Variants in PSMC3IP observed in about 807,000 individuals in gnomAD.
PSMC3IP encodes homologous-pairing protein 2 homolog.
In PSMC3IP, 26 loss-of-function variants were observed where a neutral mutation model predicts 34.9. The observed-to-expected ratio is 0.74, with a 90% CI of 0.55 to 1.03. The LOEUF is 1.03. Among genes scored for constraint, PSMC3IP ranks in the 50% least tolerant of loss-of-function variants. PSMC3IP has a pLI of 0.00. For synonymous variants in PSMC3IP, 87 were observed against 96.5 expected (o/e 0.90, Z 0.57); for missense variants, 250 against 263.1 (o/e 0.95, Z 0.34).
At chr17:42,577,831 C>G (rs1567916525), upstream of PSMC3IP, 8 of 1,009,896 alleles carry the variant, frequency 7.9e-6, no homozygotes, top group South Asian at 9.4e-5. Flanking sequence ...TCCCGGACTC[C>G]ATAGTTCATT....
At chr17:42,575,226 C>T (rs2093068074) in intron 3 of PSMC3IP, among the ~76,000 whole-genome samples, 2 of 152,204 alleles carry the variant, frequency 1.3e-5, no homozygotes, top group Admixed American at 1.3e-4. Context: ...CTGGACTCTA[C>T]ACTTGGGCAA....
intron 3 of PSMC3IP, among the ~76,000 whole-genome samples, chr17:42,574,732 CCTCTCTCTTT>C (rs995460599): frequency 3.6e-4 from 8 of 22,278 alleles, no homozygotes; most frequent in African/African-American, 4.4e-4. Context: ...CCTCCCTTTC[CCTCTCTCTTT>C]CTCTCTCTTT....
intron 3 of PSMC3IP, 157 bp downstream of exon 3, chr17:42,577,056 G>C: frequency 6.7e-7 from 1 of 1,502,484 alleles, no homozygotes; most frequent in Non-Finnish European, 8.9e-7. Context: ...GTGAAGTTGG[G>C]ATCCTAACAA....
At chr17:42,577,186 G>T in intron 3 of PSMC3IP, 27 bp downstream of exon 3, 1 of 1,613,924 alleles carries the variant, frequency 6.2e-7, no homozygotes, top group East Asian at 2.2e-5. Context: ...GCTCTCATGG[G>T]TGACAATCGG....
chr17:42,577,309 G>A lies in PSMC3IP; in HGVS notation c.136-7C>T, dbSNP rs780182559. Reference sequence around the variant, plus strand: ...CCAGCGTCTTCACCACCACCTGGCAGAGGAGAGAGAAGGAGCAATCAGAGG... The same window carrying A: ...CCAGCGTCTTCACCACCACCTGGCAAAGGAGAGAGAAGGAGCAATCAGAGG... On this transcript the variant is annotated splice_polypyrimidine_tract_variant and splice_region_variant and intron_variant, in intron 2 of 7. Coordinates refer to ENST00000393795, the MANE Select transcript of PSMC3IP (RefSeq NM_016556.4). 1.9e-6 allele frequency: 3 copies of A among 1,613,892 alleles called. No homozygotes were observed. Among genetic ancestry groups the A allele is most frequent in the South Asian group, 2.2e-5 (2 of 91,078 alleles).
rs1324673242 is a variant in PSMC3IP at position 42,573,487 on chromosome 17, C to G, written c.474G>C (p.Glu158Asp). 5.6e-6 allele frequency: 9 copies of G among 1,614,144 alleles called. No individual in the cohort carries two copies. Among genetic ancestry groups the G allele is most frequent in the Non-Finnish European group, 7.6e-6 (9 of 1,180,064 alleles). Residue 158 changes from glutamate (E) to aspartate (D), a missense_variant, in exon 5 of 8, where the codon GAG becomes GAC. Physicochemically the swap from Glu to Asp is conservative, Grantham distance 45 (BLOSUM62 2). Coordinates refer to ENST00000393795, the MANE Select transcript of PSMC3IP (RefSeq NM_016556.4). ...CAGCCTTCCAGCTCACCTGCTCTTT[C>G]TCTTCTGGAGTCACATGATTGGTAG... ...KAATNHVTPE[E>D]KEQVYRERQK...
upstream of PSMC3IP, chr17:42,577,774 C>T: frequency 6.6e-7 from 1 of 1,504,370 alleles, no homozygotes; most frequent in Non-Finnish European, 9.2e-7. Flanking sequence ...GGGCCTCGAA[C>T]GGTGATTGGC....
intron 6 of PSMC3IP, 25 bp downstream of exon 6, chr17:42,573,286 T>G (rs1262639873): frequency 6.2e-7 from 1 of 1,614,096 alleles, no homozygotes; most frequent in Non-Finnish European, 8.5e-7. Context: ...CTCCAGGGCC[T>G]GTCTCGGAGC....
chr17:42,572,372 G>T lies in PSMC3IP; in HGVS notation c.*596C>A. 1 of 454,518 alleles carries T rather than the reference G, an allele frequency of 2.2e-6. No individual in the cohort carries two copies. The highest frequency in any genetic ancestry group is 4.4e-6 in the Non-Finnish European group (1 of 226,742). 28.2% of individuals were successfully genotyped at this position (454,518 alleles called of 1,614,324 possible). A position where few individuals can be genotyped will look rare whatever the true frequency, so the allele number is the denominator to read the frequency against. ...GCAGTTTTGCTACGGTTACAATTTT[G>T]AAATATTAACTGAGCCTCAAAATCA... On this transcript the variant is annotated 3_prime_UTR_variant, in exon 8 of 8. Coordinates refer to ENST00000393795, the MANE Select transcript of PSMC3IP (RefSeq NM_016556.4).
At chr17:42,574,072 C>G in intron 4 of PSMC3IP, 27 bp downstream of exon 4, 2 of 1,613,620 alleles carry the variant, frequency 1.2e-6, no homozygotes, top group Admixed American at 1.7e-5. Context: ...AGCCTATGGG[C>G]ACTTTGGAGG....
In PSMC3IP at chr17:42,577,266, C is replaced by T. The variant is rs1021792409; in HGVS notation, c.172G>A (p.Gly58Ser). 6.2e-7 allele frequency: 1 copy of T among 1,614,088 alleles called. No individual in the cohort carries two copies. The highest frequency in any genetic ancestry group is 1.3e-5 in the African/African-American group (1 of 75,014). ...VKTLEQLAQQGKIKEKMYGKQ... is the reference protein window; with the variant it reads ...VKTLEQLAQQSKIKEKMYGKQ... ...CCGTACATCTTCTCTTTGATCTTGC[C>T]TTGTTGCGCCAGCTGCTCCAGCGTC... The change falls in exon 3 of 8, where the codon GGC (glycine) becomes AGC (serine). Residue 58 changes from glycine (G) to serine (S), a missense_variant. Gly to Ser is a moderately conservative substitution (Grantham distance 56). Transcript: ENST00000393795.
chr17:42,576,313 C>T (rs1387630906), intron 3 of PSMC3IP, among the ~76,000 whole-genome samples: 4 of 152,092 alleles, frequency 2.6e-5, no homozygotes, highest in Non-Finnish European at 5.9e-5. Flanking sequence ...TTTTGCAGCA[C>T]TAGAGAGCCA....
chr17:42,572,879 C>A lies in PSMC3IP; in HGVS notation c.*89G>T. Reference sequence around the variant, plus strand: ...AAGGTGAAAGTAGCAGGAACAACAACAAAAGCCAACCAAAAACAAGGTAGC... The same window carrying A: ...AAGGTGAAAGTAGCAGGAACAACAAAAAAAGCCAACCAAAAACAAGGTAGC... On this transcript the variant is annotated 3_prime_UTR_variant, in exon 8 of 8. Coordinates refer to ENST00000393795, the MANE Select transcript of PSMC3IP (RefSeq NM_016556.4). 1.3e-6 allele frequency: 2 copies of A among 1,499,496 alleles called. No homozygotes were observed. Among genetic ancestry groups the A allele is most frequent in the Non-Finnish European group, 1.9e-6 (2 of 1,078,560 alleles). 92.9% of individuals were successfully genotyped at this position (1,499,496 alleles called of 1,614,324 possible). A position where few individuals can be genotyped will look rare whatever the true frequency, so the allele number is the denominator to read the frequency against.
rs1187255909 is a variant in PSMC3IP, at chr17:42,574,128, A to G, written c.308T>C (p.Leu103Ser). 3 of 1,614,086 alleles carry G rather than the reference A, an allele frequency of 1.9e-6. No homozygotes were observed. The African/African-American group carries it at 4.0e-5, about 22-fold the overall frequency. ...IVALTAKVQS[L>S]QQSCRYMEAE... ...CTCCATGTAGCGGCAGCTCTGCTGC[A>G]AGCTCTGCACCTTAGCAGTGAGGGC... The change falls in exon 4 of 8, where the codon TTG (leucine) becomes TCG (serine). Residue 103 changes from leucine (L) to serine (S), a missense_variant. By Grantham distance (145) the Leu-to-Ser change is moderately radical. Transcript: ENST00000393795.
intron 3 of PSMC3IP, chr17:42,574,456 G>C: frequency 9.1e-7 from 1 of 1,098,694 alleles, no homozygotes. Flanking sequence ...AGGTTGACAG[G>C]ATACTGATTA....
Position 42,574,171 on chromosome 17 carries a change from G to C in PSMC3IP, c.265C>G (p.Leu89Val), listed in dbSNP as rs1371629217. ...GTGAGGGCCACGATTTTGCCATCTAGGACTTGAAGGTCAGCATCACTCACC... is the reference window on the plus strand; with the variant it reads ...GTGAGGGCCACGATTTTGCCATCTACGACTTGAAGGTCAGCATCACTCACC... ...DMVSDADLQV[L>V]DGKIVALTAK... Residue 89 changes from leucine (L) to valine (V), a missense_variant, in exon 4 of 8, where the codon CTA becomes GTA. By Grantham distance (32) the Leu-to-Val change is conservative. Transcript: ENST00000393795. 8.1e-6 allele frequency: 13 copies of C among 1,614,026 alleles called. No homozygotes were observed. The highest frequency in any genetic ancestry group is 1.1e-5 in the Non-Finnish European group (13 of 1,180,018).
intron 3 of PSMC3IP, 136 bp downstream of exon 3, chr17:42,577,077 C>T: frequency 6.5e-7 from 1 of 1,542,912 alleles, no homozygotes; most frequent in South Asian, 1.2e-5. Flanking sequence ...GAGGAGTACA[C>T]ACCTTGATTT....
rs755120333 is a variant in PSMC3IP at position 42,577,315 on chromosome 17, A to G, written c.136-13T>C. ...TCTTCACCACCACCTGGCAGAGGAG[A>G]GAGAAGGAGCAATCAGAGGAGTCTG... On this transcript the variant is annotated splice_polypyrimidine_tract_variant and intron_variant, in intron 2 of 7. Transcript: ENST00000393795. 1 of 1,613,526 alleles carries G rather than the reference A, an allele frequency of 6.2e-7. No homozygotes were observed. Among genetic ancestry groups the G allele is most frequent in the South Asian group, 1.1e-5 (1 of 91,068 alleles).
In PSMC3IP at chr17:42,573,743, A is replaced by G. The variant is rs1196906515; in HGVS notation, c.338-120T>C. Reference sequence around the variant, plus strand: ...GGATCTATCATCTCACATGGAAACTAAGCCATACAGGATTATTTATTCTTC... The same window carrying G: ...GGATCTATCATCTCACATGGAAACTGAGCCATACAGGATTATTTATTCTTC... On this transcript the variant is annotated intron_variant, in intron 4 of 7. Transcript: ENST00000393795. 5 of 1,522,602 alleles carry G rather than the reference A, an allele frequency of 3.3e-6. No individual in the cohort carries two copies. The East Asian group carries it at 9.2e-5, about 28-fold the overall frequency. The allele number at this position is 1,522,602 out of a possible 1,614,324, so 94.3% of individuals were successfully genotyped here. A position where few individuals can be genotyped will look rare whatever the true frequency, so the allele number is the denominator to read the frequency against.
Sources: allele counts gnomAD v4.1 joint callset (sites outside exome capture counted in the v4.1 genomes callset), GRCh38; gene constraint gnomAD v4.1.1; transcripts MANE v1.5; gene names NCBI Gene and HGNC (gene_info 2026-07-23, HGNC 2026-07-21).